Variants in ENTPD1 observed in about 807,000 individuals in gnomAD.
ENTPD1 encodes the protein ectonucleoside triphosphate diphosphohydrolase 1.
Under a neutral mutation model 57.0 loss-of-function variants are expected in ENTPD1, and 33 were observed. That is an observed-to-expected ratio of 0.58 (90% CI 0.44 to 0.77). ENTPD1 has a LOEUF of 0.77. Among genes scored for constraint, ENTPD1 ranks in the 30% least tolerant of loss-of-function variants. The pLI is 0.00. For missense variants in ENTPD1, 501 were observed against 603.4 expected (o/e 0.83, Z 1.78); for synonymous variants, 202 against 218.8 (o/e 0.92, Z 0.68).
At chr10:95,742,095 C>T (rs1056000621) in intron 1 of ENTPD1, among the ~76,000 whole-genome samples, 5 of 152,132 alleles carry the variant, frequency 3.3e-5, no homozygotes, top group South Asian at 4.1e-4. Context: ...ATAAGGTCAT[C>T]GGCATTAGTC....
At chr10:95,724,235 A>G (rs1338655249) in intron 1 of ENTPD1, among the ~76,000 whole-genome samples, 6 of 150,882 alleles carry the variant, frequency 4.0e-5, no homozygotes, top group Admixed American at 1.3e-4. Flanking sequence ...CAGCGGCCAC[A>G]CTAATCGTTT....
At chr10:95,760,405 C>T (rs114039056) in intron 1 of ENTPD1, among the ~76,000 whole-genome samples, 1 of 151,136 alleles carries the variant, frequency 6.6e-6, no homozygotes, top group Non-Finnish European at 1.5e-5. Context: ...CCCTTTTTTC[C>T]CAAGCTCTGA....
At chr10:95,814,814 A>G (rs995399132) in intron 1 of ENTPD1, among the ~76,000 whole-genome samples, 11 of 152,076 alleles carry the variant, frequency 7.2e-5, no homozygotes, top group African/African-American at 2.7e-4. Flanking sequence ...GACATGGGTT[A>G]TTTACTCAAT....
chr10:95,731,940 G>C (rs1026199905), intron 1 of ENTPD1, among the ~76,000 whole-genome samples: 1 of 151,312 alleles, frequency 6.6e-6, no homozygotes, highest in African/African-American at 2.4e-5. Context: ...CTGCTACCAC[G>C]CCCGGCTAAT....
At chr10:95,765,809 C>T (rs2098086283) in intron 1 of ENTPD1, among the ~76,000 whole-genome samples, 1 of 152,090 alleles carries the variant, frequency 6.6e-6, no homozygotes, top group Non-Finnish European at 1.5e-5. Flanking sequence ...ATCTTCTAAT[C>T]CATGAACATA....
the ENTPD1 span, among the ~76,000 whole-genome samples, chr10:95,701,517 AATAG>A: frequency 1.4e-4 from 21 of 152,306 alleles, no homozygotes; most frequent in Admixed American, 5.2e-4. Context: ...CTCTTCCATA[AATAG>A]ATAGATTAAA....
At chr10:95,710,053 C>T (rs1446899811), upstream of ENTPD1, among the ~76,000 whole-genome samples, 10 of 151,828 alleles carry the variant, frequency 6.6e-5, no homozygotes, top group South Asian at 1.3e-3. Context: ...GGATTACAAG[C>T]GTAAGCCACT....
chr10:95,858,353 C>T (rs1164135055), intron 7 of ENTPD1, among the ~76,000 whole-genome samples: 1 of 152,054 alleles, frequency 6.6e-6, no homozygotes, highest in Non-Finnish European at 1.5e-5. Context: ...GTATGGTGGG[C>T]ATGGGGGCAG....
At chr10:95,720,071 T>C (rs995386987) in intron 1 of ENTPD1, among the ~76,000 whole-genome samples, 4 of 152,088 alleles carry the variant, frequency 2.6e-5, no homozygotes, top group African/African-American at 4.8e-5. Context: ...ACTCCTAAAA[T>C]TGGAGTATTG....
intron 1 of ENTPD1, among the ~76,000 whole-genome samples, chr10:95,776,147 T>C (rs1458455972): frequency 1.3e-5 from 2 of 152,204 alleles, no homozygotes; most frequent in African/African-American, 4.8e-5. Flanking sequence ...CATTTAAGGT[T>C]CATATTGTTA....
chr10:95,709,106 G>A (rs1191044995), upstream of ENTPD1, among the ~76,000 whole-genome samples: 1 of 152,146 alleles, frequency 6.6e-6, no homozygotes, highest in Non-Finnish European at 1.5e-5. Flanking sequence ...GATGCATGAA[G>A]TTATAGGAAA....
the ENTPD1 span, among the ~76,000 whole-genome samples, chr10:95,699,738 G>C: frequency 6.6e-6 from 1 of 152,050 alleles, no homozygotes; most frequent in Non-Finnish European, 1.5e-5. Context: ...GACTTAAAAG[G>C]GTATATATTT....
intron 1 of ENTPD1, among the ~76,000 whole-genome samples, chr10:95,758,526 T>G (rs183042723): frequency 3.0e-4 from 45 of 152,328 alleles, no homozygotes; most frequent in African/African-American, 1.1e-3. Context: ...TCTTGGATGC[T>G]TCTATAGTAC....
At chr10:95,779,945 G>T (rs2098149983) in intron 1 of ENTPD1, among the ~76,000 whole-genome samples, 1 of 152,154 alleles carries the variant, frequency 6.6e-6, no homozygotes, top group Non-Finnish European at 1.5e-5. Context: ...CAATTTAGAT[G>T]TGAGGAGGTG....
chr10:95,846,988 C>CA (rs11393527), intron 6 of ENTPD1, among the ~76,000 whole-genome samples: 70,194 of 147,964 alleles, frequency 0.47, 16,835 homozygotes, highest in Admixed American at 0.57. Context: ...GACTCCATCT[C>CA]AAAAAAAAAA....
intron 1 of ENTPD1, among the ~76,000 whole-genome samples, chr10:95,798,237 T>C (rs990160299): frequency 4.6e-5 from 7 of 152,164 alleles, no homozygotes; most frequent in African/African-American, 1.7e-4. Context: ...TTGGTGATAT[T>C]TGTGTGAACA....
Position 95,866,163 on chromosome 10 carries a change from C to A in ENTPD1, c.1327-14C>A. 1.9e-6 allele frequency: 3 copies of A among 1,610,296 alleles called. No homozygotes were observed. The highest frequency in any genetic ancestry group is 2.5e-6 in the Non-Finnish European group (3 of 1,178,098). On this transcript the variant is annotated splice_polypyrimidine_tract_variant and intron_variant, in intron 9 of 9. Coordinates refer to ENST00000371205, the MANE Select transcript of ENTPD1 (RefSeq NM_001776.6). Reference sequence around the variant, plus strand: ...CTCCTCCAACCACAAACAGACTTTCCCCACTGTTTGCAGATCCAGGGCAGC... The same window carrying A: ...CTCCTCCAACCACAAACAGACTTTCACCACTGTTTGCAGATCCAGGGCAGC...
At chr10:95,700,867 A>C in the ENTPD1 span, among the ~76,000 whole-genome samples, 1 of 150,578 alleles carries the variant, frequency 6.6e-6, no homozygotes, top group South Asian at 2.1e-4. Context: ...ATCTCGGCTC[A>C]CTGCAGCCTC....
chr10:95,778,483 T>G (rs1388034437), intron 1 of ENTPD1, among the ~76,000 whole-genome samples: 1 of 106,104 alleles, frequency 9.4e-6, no homozygotes, highest in African/African-American at 3.5e-5. Context: ...CCTAAAAGAT[T>G]TTTTTCTTAA....
Sources: gnomAD v4.1 joint callset for allele counts (sites outside exome capture counted in the v4.1 genomes callset) on GRCh38, gnomAD v4.1.1 for gene constraint, MANE v1.5 for transcripts, NCBI Gene and HGNC (gene_info 2026-07-23, HGNC 2026-07-21) for gene names.